The following AUTS2 variants were observed in gnomAD, a reference collection of about 807,000 sequenced individuals.
AUTS2 encodes activator of transcription and developmental regulator AUTS2.
A neutral mutation model predicts 112.4 loss-of-function variants in AUTS2; 17 were observed. The observed-to-expected ratio is 0.15, with a 90% CI of 0.10 to 0.23. AUTS2 has a LOEUF of 0.23. AUTS2 is among the 10% of genes least tolerant of loss of function. AUTS2 has a pLI of 1.00. For missense variants in AUTS2, 1,510 were observed against 1,701.6 expected (o/e 0.89, Z 1.98); for synonymous variants, 751 against 702.7 (o/e 1.07, Z -1.09).
rs188808041 is a variant in AUTS2, at chr7:70,190,786, G to A, written c.660+56215G>A. On this transcript the variant is annotated intron_variant, in intron 4 of 18. Transcript: ENST00000342771. ...AGGAGTTTCCTAGAGGATTTGCAGC[G>A]TACACTATTGTATAATCTCATTGCT... 6.1e-3 allele frequency among the ~76,000 whole-genome samples: 934 copies of A among 152,080 alleles called. 2 individuals carry two copies. Among genetic ancestry groups the A allele is most frequent in the Admixed American group, 0.011 (166 of 15,260 alleles).
At chr7:70,194,669 C>T (rs544136395) in intron 4 of AUTS2, 10 of 152,180 alleles carry the variant, frequency 6.6e-5, no homozygotes, top group Non-Finnish European at 1.5e-4. Flanking sequence ...CCATCCCAAG[C>T]AGTCAGGGGT....
chr7:70,273,032 G>A (rs1381072861), intron 4 of AUTS2, among the ~76,000 whole-genome samples: 1 of 152,078 alleles, frequency 6.6e-6, no homozygotes, highest in African/African-American at 2.4e-5. Flanking sequence ...CTAAGTATCT[G>A]CACTTTGTGT....
intron 4 of AUTS2, among the ~76,000 whole-genome samples, chr7:70,142,014 C>T (rs1364897647): frequency 1.3e-5 from 2 of 152,198 alleles, no homozygotes; most frequent in African/African-American, 4.8e-5. Context: ...GAGAAAAGAT[C>T]AATTGGTGTT....
intron 4 of AUTS2, among the ~76,000 whole-genome samples, chr7:70,167,168 G>A (rs1808427009): frequency 6.6e-6 from 1 of 152,180 alleles, no homozygotes; most frequent in Non-Finnish European, 1.5e-5. Flanking sequence ...AGAGGTTGCA[G>A]TGAGCCATGA....
intron 5 of AUTS2, among the ~76,000 whole-genome samples, chr7:70,528,075 G>T (rs1799918541): frequency 7.0e-6 from 1 of 143,308 alleles, no homozygotes; most frequent in Admixed American, 7.0e-5. Context: ...GAGACTTGAA[G>T]TTCACTTAAA....
At chr7:70,418,294 C>T (rs376660330) in intron 4 of AUTS2, among the ~76,000 whole-genome samples, 9 of 152,070 alleles carry the variant, frequency 5.9e-5, no homozygotes, top group African/African-American at 1.2e-4. Flanking sequence ...ATAACAGTGA[C>T]GATGCTAAGC....
chr7:70,002,131 G>C (rs1316704024), intron 2 of AUTS2, among the ~76,000 whole-genome samples: 1 of 152,134 alleles, frequency 6.6e-6, no homozygotes, highest in East Asian at 1.9e-4. Flanking sequence ...TAAACACTGA[G>C]AAAAGAGTAT....
chr7:70,238,730 TTCC>T (rs1376850296), intron 4 of AUTS2, among the ~76,000 whole-genome samples: 3 of 152,160 alleles, frequency 2.0e-5, no homozygotes, highest in South Asian at 4.1e-4. Context: ...AATTGTCATT[TTCC>T]TCCTCTTCTT....
intron 1 of AUTS2, among the ~76,000 whole-genome samples, chr7:69,845,565 G>A (rs954531268): frequency 2.0e-5 from 3 of 152,188 alleles, no homozygotes; most frequent in Admixed American, 1.3e-4. Context: ...GTTTGTAAGT[G>A]ACTACGATTA....
At chr7:69,929,200 T>G (rs1236837715) in intron 2 of AUTS2, among the ~76,000 whole-genome samples, 1 of 152,168 alleles carries the variant, frequency 6.6e-6, no homozygotes, top group African/African-American at 2.4e-5. Flanking sequence ...GCTCTACTGT[T>G]TTCTCTTAGT....
chr7:69,742,718 A>G (rs1787321397), intron 1 of AUTS2, among the ~76,000 whole-genome samples: 1 of 152,160 alleles, frequency 6.6e-6, no homozygotes, highest in Admixed American at 6.5e-5. Context: ...TTCTTCATCT[A>G]TACAGTGATC....
At chr7:70,462,233 T>C (rs1180308355) in intron 5 of AUTS2, among the ~76,000 whole-genome samples, 1 of 151,894 alleles carries the variant, frequency 6.6e-6, no homozygotes, top group Admixed American at 6.6e-5. Context: ...GCCTGGGTGA[T>C]AGAGCAAGAC....
At chr7:70,619,721 C>T (rs929733715) in intron 5 of AUTS2, among the ~76,000 whole-genome samples, 2 of 152,112 alleles carry the variant, frequency 1.3e-5, no homozygotes, top group African/African-American at 4.8e-5. Context: ...GGAGAATTGC[C>T]TGTTTGGAGG....
At chr7:70,703,268 G>A (rs1809556505) in intron 6 of AUTS2, among the ~76,000 whole-genome samples, 1 of 152,232 alleles carries the variant, frequency 6.6e-6, no homozygotes, top group South Asian at 2.1e-4. Context: ...GCTGAGGCAG[G>A]AGGATTGCTT....
chr7:69,769,688 G>A (rs1788580136), intron 1 of AUTS2, among the ~76,000 whole-genome samples: 1 of 152,158 alleles, frequency 6.6e-6, no homozygotes, highest in Non-Finnish European at 1.5e-5. Context: ...TGAACAGGGC[G>A]ATGTATTGCC....
intron 5 of AUTS2, among the ~76,000 whole-genome samples, chr7:70,698,224 T>G (rs1049513206): frequency 2.0e-5 from 3 of 152,208 alleles, no homozygotes; most frequent in African/African-American, 7.2e-5. Context: ...ACGAAAAACA[T>G]AACATTTCCA....
intron 4 of AUTS2, among the ~76,000 whole-genome samples, chr7:70,327,491 C>G (rs1052718193): frequency 6.6e-6 from 1 of 152,142 alleles, no homozygotes; most frequent in Admixed American, 6.5e-5. Flanking sequence ...AAGAAATTTG[C>G]CTTGAGAATA....
At chr7:70,562,304 C>T (rs1468627195) in intron 5 of AUTS2, among the ~76,000 whole-genome samples, 1 of 152,198 alleles carries the variant, frequency 6.6e-6, no homozygotes, top group Non-Finnish European at 1.5e-5. Flanking sequence ...CTGGCCTGGA[C>T]ACATGTCACT....
intron 1 of AUTS2, among the ~76,000 whole-genome samples, chr7:69,819,953 A>T (rs951259141): frequency 2.6e-5 from 4 of 152,230 alleles, no homozygotes; most frequent in Non-Finnish European, 5.9e-5. Context: ...AGTATGAGCC[A>T]GTCTTGAGGT....
Sources: gnomAD v4.1 joint callset for allele counts (sites outside exome capture counted in the v4.1 genomes callset) on GRCh38, gnomAD v4.1.1 for gene constraint, MANE v1.5 for transcripts, NCBI Gene and HGNC (gene_info 2026-07-23, HGNC 2026-07-21) for gene names.